TMC7: variants seen among roughly 807,000 people sequenced by gnomAD.
The protein encoded by TMC7 is transmembrane channel like 7, also known as transmembrane channel-like protein 7.
Under a neutral mutation model 82.9 loss-of-function variants are expected in TMC7, and 54 were observed. The ratio of observed to expected loss-of-function variants is 0.65; its 90% CI spans 0.52 to 0.82. The LOEUF (loss-of-function observed/expected upper bound fraction) is 0.82. Ranked by LOEUF, TMC7 falls within the 40% of genes least tolerant of loss-of-function variation. The pLI, the probability that TMC7 is intolerant of heterozygous loss-of-function variation, is 0.00. For synonymous variants in TMC7, 350 were observed against 337.9 expected, an observed-to-expected ratio of 1.04 and a Z score of -0.39; for missense variants, 820 against 901.2, an observed-to-expected ratio of 0.91 and a Z score of 1.15.
intron 8 of TMC7, among the ~76,000 whole-genome samples, 174 bp from the exon 9 acceptor site, chr16:19,040,115 C>CA (rs55719597): frequency 0.42 from 27,909 of 67,030 alleles, 5,989 homozygotes; most frequent in East Asian, 0.62. Flanking sequence ...GACTCCATCT[C>CA]AAAAAAAAAA....
chr16:19,053,919 G>C (rs572351144), intron 13 of TMC7, among the ~76,000 whole-genome samples: 54 of 148,040 alleles, frequency 3.6e-4, no homozygotes, highest in African/African-American at 1.2e-3. Flanking sequence ...CTGAGCCCAA[G>C]TGATCCTCCC....
chr16:19,024,182 A>G lies in TMC7; in HGVS notation c.711+987A>G, dbSNP rs144578902. ...GCAGTGGCTCACACCTGTAACCCCA[A>G]CACTTTGAGAGGCCGAGGCAGGAGG... is the stretch of plus-strand genomic sequence containing the variant. On this transcript the variant is annotated intron_variant, in intron 5 of 15. Transcript: ENST00000304381. Among the ~76,000 whole-genome samples the G allele has an allele frequency of 1.5e-4, 23 of 152,240 alleles. No individual in the cohort carries two copies. In the East Asian group the frequency reaches 4.4e-3, roughly 29 times the overall value.
intron 3 of TMC7, among the ~76,000 whole-genome samples, chr16:19,018,897 C>A (rs1959833280): frequency 6.6e-6 from 1 of 152,196 alleles, no homozygotes; most frequent in Non-Finnish European, 1.5e-5. Flanking sequence ...GTTGCCCAGG[C>A]CGGAGGGCAA....
At chr16:19,014,279 C>G (rs993902340) in intron 2 of TMC7, among the ~76,000 whole-genome samples, 1 of 152,118 alleles carries the variant, frequency 6.6e-6, no homozygotes, top group Admixed American at 6.6e-5. Context: ...ATGCCAGAAG[C>G]ATGTCCCCCT....
intron 3 of TMC7, among the ~76,000 whole-genome samples, chr16:19,020,214 A>T (rs922342414): frequency 6.6e-6 from 1 of 152,324 alleles, no homozygotes; most frequent in East Asian, 1.9e-4. Context: ...ACCTATAAAC[A>T]TTATACAGCA....
chr16:19,014,236 T>A (rs1040914693), intron 2 of TMC7, among the ~76,000 whole-genome samples: 2 of 152,160 alleles, frequency 1.3e-5, no homozygotes, highest in Admixed American at 1.3e-4. Flanking sequence ...GATTGGAGGA[T>A]GTTTAGCAAC....
intron 5 of TMC7, among the ~76,000 whole-genome samples, chr16:19,026,327 A>T (rs905926657): frequency 7.9e-5 from 12 of 151,842 alleles, no homozygotes; most frequent in Non-Finnish European, 1.8e-4. Context: ...ATAGAAAAAA[A>T]TTAGCCAGGC....
At chr16:19,001,421 C>T (rs1431773567) in intron 1 of TMC7, among the ~76,000 whole-genome samples, 1 of 152,130 alleles carries the variant, frequency 6.6e-6, no homozygotes, top group Non-Finnish European at 1.5e-5. Flanking sequence ...TGGTTCACAC[C>T]TATAGTCCCA....
chr16:19,032,887 A>C (rs1330816593), intron 6 of TMC7, among the ~76,000 whole-genome samples: 1 of 152,178 alleles, frequency 6.6e-6, no homozygotes, highest in Non-Finnish European at 1.5e-5. Context: ...TCGGCCTCCC[A>C]CAGTGCTGGG....
At chr16:19,050,913 GTCTC>G (rs1961509052) in intron 12 of TMC7, among the ~76,000 whole-genome samples, 1 of 151,808 alleles carries the variant, frequency 6.6e-6, no homozygotes, top group African/African-American at 2.4e-5. Flanking sequence ...TTGAGACAGG[GTCTC>G]TCTCTGTTGC....
chr16:19,045,291 C>T (rs768613590), intron 10 of TMC7, 50 bp from the exon 11 acceptor site: 1 of 1,494,520 alleles, frequency 6.7e-7, no homozygotes, highest in South Asian at 1.1e-5. Flanking sequence ...GCCTGGTTTT[C>T]TCTGCCTCAG....
chr16:19,030,292 C>A lies in TMC7; in HGVS notation c.780C>A (p.Phe260Leu). The A allele has an allele frequency of 6.2e-7, 1 of 1,613,788 alleles. No individual in the cohort carries two copies. The highest frequency in any genetic ancestry group is 8.5e-7 in the Non-Finnish European group (1 of 1,179,960). ...TTGATGGGGTGAAATTTCAGAACTT[C>A]ACCTATGATCTGCCCCTGGCGTATT... The part of the protein sequence containing the change: ...YTIDGVKFQN[F>L]TYDLPLAYLL... Residue 260 changes from phenylalanine (F) to leucine (L), a missense_variant, in exon 6 of 16, where the codon TTC becomes TTA. Physicochemically the swap from Phe to Leu is conservative, Grantham distance 22 (BLOSUM62 0). This residue lies in a region of TMC7 where 650 missense variants were observed against 669.9 expected (regional missense o/e 0.97). Transcript: ENST00000304381.
intron 2 of TMC7, among the ~76,000 whole-genome samples, chr16:19,009,732 G>T (rs980744150): frequency 7.9e-5 from 12 of 151,970 alleles, no homozygotes; most frequent in Non-Finnish European, 1.8e-4. Flanking sequence ...CTGAGGTCAG[G>T]AGTTCGAGAC....
At chr16:19,017,373 TTA>T (rs1472907143) in intron 3 of TMC7, among the ~76,000 whole-genome samples, 2 of 149,168 alleles carry the variant, frequency 1.3e-5, no homozygotes, top group Non-Finnish European at 3.0e-5. Context: ...TAAAATAGTA[TTA>T]TTTAAAAATA....
chr16:19,037,777 C>T, intron 7 of TMC7, 97 bp from the exon 8 acceptor site: 1 of 1,337,998 alleles, frequency 7.5e-7, no homozygotes, highest in Non-Finnish European at 1.0e-6. Flanking sequence ...CTGGCTAGAA[C>T]TCTTAAAGAT....
At chr16:19,005,647 G>A (rs1019293800) in intron 1 of TMC7, among the ~76,000 whole-genome samples, 1 of 152,198 alleles carries the variant, frequency 6.6e-6, no homozygotes, top group South Asian at 2.1e-4. Context: ...TGACCCCACA[G>A]CTGTTGAATA....
chr16:18,986,988 G>A (rs2038862259), intron 1 of TMC7, among the ~76,000 whole-genome samples: 1 of 151,822 alleles, frequency 6.6e-6, no homozygotes, highest in Non-Finnish European at 1.5e-5. Context: ...TGTATTTTTA[G>A]TAGAGACAGG....
intron 7 of TMC7, among the ~76,000 whole-genome samples, chr16:19,036,495 G>A (rs888451841): frequency 7.4e-6 from 1 of 134,612 alleles, no homozygotes; most frequent in African/African-American, 2.8e-5. Flanking sequence ...GTGACAGAGC[G>A]AGACTCCGTC....
At chr16:19,022,996 G>C in intron 4 of TMC7, 117 bp from the exon 5 acceptor site, 1 of 550,178 alleles carries the variant, frequency 1.8e-6, no homozygotes, top group Admixed American at 3.3e-5. Context: ...CTCCAGTCTG[G>C]ATGACAGAGC....
Sources: gnomAD v4.1 joint callset for allele counts (sites outside exome capture counted in the v4.1 genomes callset) on GRCh38, gnomAD v4.1.1 for gene constraint, gnomAD v4.1.1 regional missense constraint, MANE v1.5 for transcripts, NCBI Gene and HGNC (gene_info 2026-07-23, HGNC 2026-07-21) for gene names.